Variants in CCDC169 observed in about 807,000 individuals in gnomAD.
CCDC169 encodes coiled-coil domain-containing protein 169.
CCDC169 carries 30 observed loss-of-function variants against 36.0 expected under a neutral mutation model. The ratio of observed to expected loss-of-function variants is 0.83; its 90% CI spans 0.62 to 1.13. CCDC169 has a LOEUF of 1.13. CCDC169 is among the 50% of genes most tolerant of loss of function. The pLI, the probability that CCDC169 is intolerant of heterozygous loss-of-function variation, is 0.00. For synonymous variants in CCDC169, 85 were observed against 81.5 expected, an observed-to-expected ratio of 1.04 and a Z score of -0.23; for missense variants, 245 against 245.9, an observed-to-expected ratio of 1.00 and a Z score of 0.03.
downstream of CCDC169, among the ~76,000 whole-genome samples, chr13:36,230,160 A>T (rs1353713518): frequency 6.6e-6 from 1 of 152,244 alleles, no homozygotes; most frequent in Non-Finnish European, 1.5e-5. Context: ...ATTACTGGTG[A>T]TACATAATAG....
chr13:36,253,478 A>C (rs1873432924), intron 6 of CCDC169, among the ~76,000 whole-genome samples: 2 of 151,594 alleles, frequency 1.3e-5, no homozygotes, highest in Admixed American at 1.3e-4. Context: ...CTGGGACTAC[A>C]GGCGCCCACC....
rs372269238 is a variant in CCDC169, at chr13:36,260,168, C to T, written c.316-6025G>A. ...AGATTACATAACTGGCTCAAAGACA[C>T]GCAGCTAATAATGGTAGAGCTGGAA... On this transcript the variant is annotated intron_variant, in intron 4 of 7. Transcript: ENST00000239859. Among the ~76,000 whole-genome samples, 6 of 152,292 alleles carry T rather than the reference C, an allele frequency of 3.9e-5. No individual in the cohort carries two copies. In the South Asian group the frequency reaches 6.2e-4, roughly 16 times the overall value.
At chr13:36,275,650 T>C (rs1312238510) in intron 4 of CCDC169, among the ~76,000 whole-genome samples, 1 of 152,100 alleles carries the variant, frequency 6.6e-6, no homozygotes, top group Non-Finnish European at 1.5e-5. Flanking sequence ...AAACAACATT[T>C]CTAAGAATTT....
At chr13:36,246,147 C>A (rs955666778) in intron 7 of CCDC169, among the ~76,000 whole-genome samples, 3 of 152,174 alleles carry the variant, frequency 2.0e-5, no homozygotes, top group Non-Finnish European at 4.4e-5. Context: ...CAATTAATAA[C>A]CCTACTATGG....
At chr13:36,253,406 T>G (rs1157157674) in intron 6 of CCDC169, among the ~76,000 whole-genome samples, 3 of 128,512 alleles carry the variant, frequency 2.3e-5, no homozygotes, top group Non-Finnish European at 5.4e-5. Context: ...TGGTGTGATC[T>G]TGGCTCACTG....
intron 2 of CCDC169, among the ~76,000 whole-genome samples, chr13:36,294,770 G>A (rs910168680): frequency 2.0e-5 from 3 of 152,076 alleles, no homozygotes; most frequent in Non-Finnish European, 4.4e-5. Context: ...GAGCAAGCAG[G>A]GGGTACGTGA....
intron 4 of CCDC169, among the ~76,000 whole-genome samples, chr13:36,277,853 G>A (rs549233153): frequency 6.6e-6 from 1 of 151,736 alleles, no homozygotes; most frequent in South Asian, 2.1e-4. Flanking sequence ...GCTGAGGCAG[G>A]AGAATCGCTT....
intron 2 of CCDC169, among the ~76,000 whole-genome samples, chr13:36,292,943 A>C (rs992851719): frequency 1.3e-5 from 2 of 152,176 alleles, no homozygotes; most frequent in African/African-American, 4.8e-5. Context: ...CATTCATAGA[A>C]ACAAGAGGGA....
intron 7 of CCDC169, among the ~76,000 whole-genome samples, chr13:36,235,596 C>G (rs1192553356): frequency 1.3e-5 from 2 of 151,724 alleles, no homozygotes; most frequent in Non-Finnish European, 2.9e-5. Context: ...ATTACCACTT[C>G]TATTCAACAT....
intron 4 of CCDC169, among the ~76,000 whole-genome samples, chr13:36,262,443 G>T (rs1250787846): frequency 6.6e-6 from 1 of 152,178 alleles, no homozygotes; most frequent in Non-Finnish European, 1.5e-5. Flanking sequence ...TGTCCTGGTA[G>T]TCTTGGACTC....
At chr13:36,287,303 A>C (rs1878371135) in intron 2 of CCDC169, among the ~76,000 whole-genome samples, 1 of 152,212 alleles carries the variant, frequency 6.6e-6, no homozygotes, top group African/African-American at 2.4e-5. Context: ...CAAGGGTAAA[A>C]GCGGTTTAAA....
intron 4 of CCDC169, among the ~76,000 whole-genome samples, chr13:36,262,850 G>T (rs542847464): frequency 1.2e-4 from 18 of 152,302 alleles, no homozygotes; most frequent in African/African-American, 3.4e-4. Context: ...TGGTTGGCCA[G>T]TCTATGTAAG....
chr13:36,276,036 C>T (rs1377537188), intron 4 of CCDC169, among the ~76,000 whole-genome samples: 1 of 152,152 alleles, frequency 6.6e-6, no homozygotes, highest in Non-Finnish European at 1.5e-5. Context: ...CTTCAGGCTT[C>T]TCTTGCTTTT....
chr13:36,293,876 G>T (rs1424319702), intron 2 of CCDC169, among the ~76,000 whole-genome samples: 2 of 152,094 alleles, frequency 1.3e-5, no homozygotes, highest in African/African-American at 4.8e-5. Flanking sequence ...AAATTATAGG[G>T]TGATTTGCTA....
chr13:36,230,664 A>G (rs1870319048), downstream of CCDC169: 1 of 632,692 alleles, frequency 1.6e-6, no homozygotes, highest in Non-Finnish European at 2.0e-6. Context: ...CTTGCCCAAG[A>G]TCTCCTAAGT....
At chr13:36,294,175 C>T (rs543731119) in intron 2 of CCDC169, among the ~76,000 whole-genome samples, 8 of 152,278 alleles carry the variant, frequency 5.3e-5, no homozygotes, top group African/African-American at 1.9e-4. Flanking sequence ...ACTTTCTCTC[C>T]TATCATTCTG....
At chr13:36,267,968 G>A (rs1177661038) in intron 4 of CCDC169, among the ~76,000 whole-genome samples, 1 of 151,974 alleles carries the variant, frequency 6.6e-6, no homozygotes, top group African/African-American at 2.4e-5. Flanking sequence ...ATTTTAAAAT[G>A]TTTAAATTTT....
intron 4 of CCDC169, chr13:36,267,228 C>T (rs1875429860): frequency 1.3e-5 from 2 of 152,144 alleles, no homozygotes. Flanking sequence ...TTAGCATAGT[C>T]CCTGTGCAAG....
At chr13:36,241,947 G>A (rs1455065429) in intron 7 of CCDC169, among the ~76,000 whole-genome samples, 1 of 152,032 alleles carries the variant, frequency 6.6e-6, no homozygotes, top group Non-Finnish European at 1.5e-5. Context: ...GGGTTCTCAC[G>A]AAATCTGGTT....
Sources: allele counts gnomAD v4.1 joint callset (sites outside exome capture counted in the v4.1 genomes callset), GRCh38; gene constraint gnomAD v4.1.1; transcripts MANE v1.5; gene names NCBI Gene and HGNC (gene_info 2026-07-23, HGNC 2026-07-21).